The following ZNF713 variants were observed in gnomAD, a reference collection of about 807,000 sequenced individuals.
ZNF713 encodes the protein zinc finger protein 713.
Under a neutral mutation model 28.7 loss-of-function variants are expected in ZNF713, and 21 were observed. The observed-to-expected ratio is 0.73, with a 90% CI of 0.52 to 1.05. ZNF713 has a LOEUF of 1.05. Among genes scored for constraint, ZNF713 ranks in the 50% least tolerant of loss-of-function variants. The probability of loss-of-function intolerance (pLI) is 0.00; values close to 1 mark genes in which losing one functional copy is unlikely to be tolerated. For synonymous variants in ZNF713, 167 were observed against 178.0 expected (o/e 0.94, Z 0.49); for missense variants, 458 against 532.4 (o/e 0.86, Z 1.37).
At chr7:55,923,510 C>T (rs112278524) in intron 5 of ZNF713, 97 bp from the exon 6 acceptor site, 1 of 1,172,370 alleles carries the variant, frequency 8.5e-7, no homozygotes, top group Non-Finnish European at 1.2e-6. Flanking sequence ...CTGAAGTCTC[C>T]CCTCCAGAGG....
Position 55,923,311 on chromosome 7 carries a change from A to G in ZNF713, c.214+23A>G, listed in dbSNP as rs775338469. 3.8e-6 allele frequency: 6 copies of G among 1,591,732 alleles called. No individual in the cohort carries two copies. The Admixed American group carries it at 1.1e-4, about 30-fold the overall frequency. Reference sequence around the variant, plus strand: ...TGGGTGAGGATGGCATCCCTGTGAAACCGGAAGCCGTTCACGTGGGTTTAT... The same window carrying G: ...TGGGTGAGGATGGCATCCCTGTGAAGCCGGAAGCCGTTCACGTGGGTTTAT... On this transcript the variant is annotated intron_variant, in intron 5 of 6. Coordinates refer to ENST00000429591, the MANE Select transcript of ZNF713 (RefSeq NM_182633.3).
At chr7:55,918,072 C>T (rs1461089493) in intron 4 of ZNF713, 1 of 456,344 alleles carries the variant, frequency 2.2e-6, no homozygotes, top group Non-Finnish European at 4.4e-6. Context: ...TCCATTGGAT[C>T]TCGGCAAGGC....
At position 55,899,804 on chromosome 7, in the gene ZNF713, C is replaced by T. The variant is rs138142458; in HGVS notation, c.-582-6449C>T. 8.8e-3 allele frequency among the ~76,000 whole-genome samples: 1,334 copies of T among 152,150 alleles called. 21 individuals carry two copies. The highest frequency in any genetic ancestry group is 0.03 in the African/African-American group (1,253 of 41,544). On this transcript the variant is annotated intron_variant, in intron 1 of 6. Transcript: ENST00000429591. ...TCAGCCAGGCTGGAGTGCAGTGGCA[C>T]GATCTCAGCTCACTGCAACCTCTGT...
At chr7:55,932,497 C>T (rs1350169295) in intron 6 of ZNF713, among the ~76,000 whole-genome samples, 2 of 148,790 alleles carry the variant, frequency 1.3e-5, no homozygotes, top group African/African-American at 5.0e-5. Flanking sequence ...TGCACTCCAG[C>T]CTAGGTGACA....
chr7:55,915,269 T>G (rs1028589524), intron 4 of ZNF713, among the ~76,000 whole-genome samples: 1 of 152,244 alleles, frequency 6.6e-6, no homozygotes, highest in Non-Finnish European at 1.5e-5. Flanking sequence ...TTTATTATGT[T>G]TAGAAGGAAG....
intron 4 of ZNF713, chr7:55,918,125 C>T (rs1253825567): frequency 2.2e-6 from 1 of 456,660 alleles, no homozygotes; most frequent in Non-Finnish European, 4.4e-6. Context: ...CAAGGCAGAT[C>T]ATAAATGGCA....
intron 1 of ZNF713, among the ~76,000 whole-genome samples, chr7:55,905,093 A>T (rs1237426980): frequency 2.0e-5 from 3 of 152,118 alleles, no homozygotes; most frequent in Non-Finnish European, 4.4e-5. Context: ...CCCACTGTCT[A>T]GTGTTTTCTA....
intron 6 of ZNF713, among the ~76,000 whole-genome samples, chr7:55,930,321 T>C (rs1271216792): frequency 6.6e-6 from 1 of 152,160 alleles, no homozygotes; most frequent in Non-Finnish European, 1.5e-5. Flanking sequence ...GCTGGGTCCA[T>C]GAGGAGGAAA....
At chr7:55,933,367 G>A (rs556829180) in intron 6 of ZNF713, among the ~76,000 whole-genome samples, 21 of 151,064 alleles carry the variant, frequency 1.4e-4, no homozygotes, top group African/African-American at 4.9e-4. Context: ...GCACAATCTC[G>A]ACTCTGCAAC....
At position 55,899,445 on chromosome 7, in the gene ZNF713, G is replaced by A. The variant is rs927581355; in HGVS notation, c.-582-6808G>A. Among the ~76,000 whole-genome samples the A allele has an allele frequency of 1.0e-3, 77 of 76,232 alleles. 1 individual carries two copies. The highest frequency in any genetic ancestry group is 3.3e-3 in the African/African-American group (72 of 22,094). 50.0% of individuals were successfully genotyped at this position (76,232 alleles called of 152,430 possible). A position where few individuals can be genotyped will look rare whatever the true frequency, so the allele number is the denominator to read the frequency against. On this transcript the variant is annotated intron_variant, in intron 1 of 6. Transcript: ENST00000429591. ...TTTGGGAGGCCGAGGGGGGGGGGGGGGTTGATCACAAGGTCAGGAGTTCAA... is the reference window on the plus strand; with the variant it reads ...TTTGGGAGGCCGAGGGGGGGGGGGGAGTTGATCACAAGGTCAGGAGTTCAA...
At chr7:55,928,264 C>T (rs987421319) in intron 6 of ZNF713, among the ~76,000 whole-genome samples, 1 of 152,084 alleles carries the variant, frequency 6.6e-6, no homozygotes, top group Admixed American at 6.6e-5. Flanking sequence ...TGCTCTTCCT[C>T]CTGTTATATT....
At position 55,890,050 on chromosome 7, in the gene ZNF713, C is replaced by T. The variant is rs79285513; in HGVS notation, c.-583+2370C>T. ...AGAAGGGACTGGCATCTCTCTGTGT[C>T]CTCTTCTGCTGGCCTTTGCACTGGG... is the stretch of plus-strand genomic sequence containing the variant. On this transcript the variant is annotated intron_variant, in intron 1 of 6. Coordinates refer to ENST00000429591, the MANE Select transcript of ZNF713 (RefSeq NM_182633.3). Among the ~76,000 whole-genome samples, 1,036 of 152,308 alleles carry T rather than the reference C, an allele frequency of 6.8e-3. 32 individuals carry two copies. In the East Asian group the frequency reaches 0.086, roughly 13 times the overall value.
chr7:55,918,416 A>G (rs781181363), intron 4 of ZNF713: 6 of 178,858 alleles, frequency 3.4e-5, no homozygotes, highest in Non-Finnish European at 7.2e-5. Context: ...TAATCCCCCA[A>G]GTTTTGGGAT....
intron 6 of ZNF713, among the ~76,000 whole-genome samples, chr7:55,938,771 TA>T (rs900700783): frequency 6.6e-6 from 1 of 152,178 alleles, no homozygotes; most frequent in African/African-American, 2.4e-5. Context: ...TGCACATGTT[TA>T]AAAATTTCCC....
intron 4 of ZNF713, among the ~76,000 whole-genome samples, chr7:55,916,805 A>G (rs1298762312): frequency 1.3e-5 from 2 of 152,252 alleles, no homozygotes; most frequent in Non-Finnish European, 2.9e-5. Context: ...AAATATTTAA[A>G]TATGAAAAAT....
At chr7:55,894,163 C>T (rs1785435252) in intron 1 of ZNF713, among the ~76,000 whole-genome samples, 2 of 152,200 alleles carry the variant, frequency 1.3e-5, no homozygotes, top group Admixed American at 1.3e-4. Flanking sequence ...CCTTTATTAG[C>T]ATTAACATCT....
intron 4 of ZNF713, among the ~76,000 whole-genome samples, chr7:55,919,912 C>T (rs923159802): frequency 5.9e-5 from 9 of 151,750 alleles, no homozygotes; most frequent in African/African-American, 1.7e-4. Flanking sequence ...GTGTACAGAA[C>T]GTGCAAGTTT....
At chr7:55,897,090 T>A (rs1334717694) in intron 1 of ZNF713, among the ~76,000 whole-genome samples, 1 of 152,126 alleles carries the variant, frequency 6.6e-6, no homozygotes, top group African/African-American at 2.4e-5. Flanking sequence ...AGTTTTTCCT[T>A]ATGGAAAAAT....
rs1190455418 is a variant in ZNF713 at position 55,939,290 on chromosome 7, C to A, written c.616C>A (p.Pro206Thr). The A allele has an allele frequency of 6.2e-7, 1 of 1,613,896 alleles. No homozygotes were observed. The highest frequency in any genetic ancestry group is 8.5e-7 in the Non-Finnish European group (1 of 1,179,958). Residue 206 changes from proline to threonine, a missense_variant, in exon 7 of 7, where the codon CCC (proline) becomes ACC (threonine). By Grantham distance (38) the Pro-to-Thr change is conservative (BLOSUM62 -1). Coordinates refer to ENST00000429591, the MANE Select transcript of ZNF713 (RefSeq NM_182633.3). Reference protein sequence around the residue: ...MQQRIPSIKIPLNSDTQGNSI... With the variant: ...MQQRIPSIKITLNSDTQGNSI... ...GCAGAGAATTCCTTCCATTAAAATA[C>A]CCCTGAATTCTGACACACAGGGAAA...
Sources: gnomAD v4.1 joint callset for allele counts (sites outside exome capture counted in the v4.1 genomes callset) on GRCh38, gnomAD v4.1.1 for gene constraint, MANE v1.5 for transcripts, NCBI Gene and HGNC (gene_info 2026-07-23, HGNC 2026-07-21) for gene names.